The following DNM1L variants were observed in gnomAD, a reference collection of about 807,000 sequenced individuals.
The protein encoded by DNM1L is dynamin-1-like protein.
Under a neutral mutation model 92.8 loss-of-function variants are expected in DNM1L, and 33 were observed. That is an observed-to-expected ratio of 0.36 (90% CI 0.27 to 0.48). The LOEUF (loss-of-function observed/expected upper bound fraction) is 0.48. Among genes scored for constraint, DNM1L ranks in the 20% least tolerant of loss-of-function variants. The probability of loss-of-function intolerance (pLI) is 0.99; values close to 1 mark genes in which losing one functional copy is unlikely to be tolerated. For synonymous variants in DNM1L, 284 were observed against 305.0 expected (o/e 0.93, Z 0.72); for missense variants, 485 against 888.8 (o/e 0.55, Z 5.78).
chr12:32,683,231 T>C (rs1164643724), intron 1 of DNM1L, among the ~76,000 whole-genome samples: 1 of 152,204 alleles, frequency 6.6e-6, no homozygotes, highest in Non-Finnish European at 1.5e-5. Context: ...TTTGGATTTT[T>C]TATTTTTATT....
In DNM1L at chr12:32,685,359, CT is replaced by C. The variant is rs71298052; in HGVS notation, c.102+5913del. Among the ~76,000 whole-genome samples the C allele has an allele frequency of 4.9e-3, 612 of 124,432 alleles. 5 individuals are homozygous for C. The highest frequency in any genetic ancestry group is 5.9e-3 in the Non-Finnish European group (366 of 61,748). 81.6% of individuals were successfully genotyped at this position (124,432 alleles called of 152,430 possible). A position where few individuals can be genotyped will look rare whatever the true frequency, so the allele number is the denominator to read the frequency against. ...AAAGTGTTTTCCATAGTGGCTGCAC[CT>C]TTTTTTTTTTTTTTTTTTGAGACAG... On this transcript the variant is annotated intron_variant, in intron 1 of 19. Transcript: ENST00000549701.
At chr12:32,709,901 A>G (rs1953059985) in intron 4 of DNM1L, among the ~76,000 whole-genome samples, 1 of 152,236 alleles carries the variant, frequency 6.6e-6, no homozygotes, top group African/African-American at 2.4e-5. Context: ...AATAGCAAAT[A>G]TAATTGTATA....
chr12:32,686,850 T>G (rs890151785), intron 1 of DNM1L, among the ~76,000 whole-genome samples: 1 of 152,210 alleles, frequency 6.6e-6, no homozygotes, highest in Non-Finnish European at 1.5e-5. Context: ...TTGTTTTGCA[T>G]TTCCCTAATG....
intron 1 of DNM1L, among the ~76,000 whole-genome samples, chr12:32,683,118 C>G (rs952391239): frequency 6.6e-6 from 1 of 152,222 alleles, no homozygotes; most frequent in Non-Finnish European, 1.5e-5. Flanking sequence ...ACCTGAGACT[C>G]TGGCTTAGTG....
intron 2 of DNM1L, among the ~76,000 whole-genome samples, chr12:32,702,635 G>T (rs534112344): frequency 1.3e-5 from 2 of 151,498 alleles, no homozygotes; most frequent in African/African-American, 4.8e-5. Context: ...TTTAATTTCT[G>T]TGTCTGATTT....
In DNM1L at chr12:32,707,413, G is replaced by A; in HGVS notation, c.297G>A (p.Lys99=). ...EWGKFLHTKN[K]LYTDFDEIRQ... ...GTAAATTTCTTCACACCAAAAATAAGGTAATCACACATGCATATAATGAAG... is the reference window on the plus strand; with the variant it reads ...GTAAATTTCTTCACACCAAAAATAAAGTAATCACACATGCATATAATGAAG... Residue 99 remains lysine, a splice_region_variant and synonymous_variant, in exon 3 of 20, where the codon AAG becomes AAA. Transcript: ENST00000549701. 1.3e-6 allele frequency: 2 copies of A among 1,600,006 alleles called. No individual in the cohort carries two copies. The highest frequency in any genetic ancestry group is 1.7e-6 in the Non-Finnish European group (2 of 1,173,256).
chr12:32,722,631 G>A lies in DNM1L; in HGVS notation c.1077G>A (p.Glu359=), dbSNP rs529454614. ...CTGCAAAATATATTGAAACTTCGGA[G>A]CTGTAAGTAAGAAATTTTTCTGTAG... ...EGTAKYIETS[E]LCGGARICYI... is the part of the protein sequence containing the mutation. Residue 359 remains glutamate, a splice_region_variant and synonymous_variant, in exon 9 of 20, where the codon GAG becomes GAA. Transcript: ENST00000549701. 5.6e-6 allele frequency: 9 copies of A among 1,611,092 alleles called. 1 individual carries two copies. The South Asian group carries it at 7.7e-5, about 14-fold the overall frequency.
chr12:32,740,722 G>C (rs1404266865), intron 18 of DNM1L, among the ~76,000 whole-genome samples: 1 of 152,122 alleles, frequency 6.6e-6, no homozygotes, highest in Non-Finnish European at 1.5e-5. Flanking sequence ...GCTAGAAAAA[G>C]CTATTAAAAA....
At position 32,744,939 on chromosome 12, in the gene DNM1L, C is replaced by G; in HGVS notation, c.*1529C>G. 1 of 518,304 alleles carries G rather than the reference C, an allele frequency of 1.9e-6. No homozygotes were observed. The highest frequency in any genetic ancestry group is 1.4e-5 in the South Asian group (1 of 71,378). The allele number at this position is 518,304 out of a possible 1,614,324, so 32.1% of individuals were successfully genotyped here. ...TCTAATAGACAACACATTTATATTG[C>G]AGATATTACTTTTTTTTCAGTTTAT... On this transcript the variant is annotated 3_prime_UTR_variant, in exon 20 of 20. Coordinates refer to ENST00000549701, the MANE Select transcript of DNM1L (RefSeq NM_012062.5).
intron 2 of DNM1L, among the ~76,000 whole-genome samples, chr12:32,704,836 A>G (rs962836247): frequency 6.6e-6 from 1 of 152,158 alleles, no homozygotes; most frequent in Non-Finnish European, 1.5e-5. Context: ...TATGTTTCAA[A>G]TAAAATACCC....
chr12:32,683,631 G>A (rs1482521297), intron 1 of DNM1L, among the ~76,000 whole-genome samples: 6 of 152,042 alleles, frequency 3.9e-5, no homozygotes, highest in African/African-American at 1.2e-4. Context: ...TGCAACCTCC[G>A]CTTCCCGAGT....
intron 4 of DNM1L, among the ~76,000 whole-genome samples, chr12:32,708,570 TACTCTA>T (rs1449328076): frequency 6.6e-6 from 1 of 152,202 alleles, no homozygotes; most frequent in Non-Finnish European, 1.5e-5. Context: ...GGATTGATTG[TACTCTA>T]ACTCAGGAAG....
chr12:32,728,372 G>A (rs948784939), intron 9 of DNM1L: 29 of 152,200 alleles, frequency 1.9e-4, no homozygotes, highest in African/African-American at 6.8e-4. Context: ...ATGGGCCTTT[G>A]AAGAGTTTAG....
intron 9 of DNM1L, among the ~76,000 whole-genome samples, chr12:32,724,618 A>C: frequency 7.3e-6 from 1 of 137,348 alleles, no homozygotes; most frequent in Admixed American, 7.4e-5. Flanking sequence ...ATATATATAT[A>C]TAAATTATAT....
intron 9 of DNM1L, among the ~76,000 whole-genome samples, chr12:32,730,023 T>C (rs1954444116): frequency 6.6e-6 from 1 of 152,170 alleles, no homozygotes; most frequent in Admixed American, 6.5e-5. Context: ...TTTCTAGTTA[T>C]TAAACAAGAT....
chr12:32,740,661 T>A (rs938385407), intron 18 of DNM1L, 143 bp downstream of exon 18: 77 of 718,390 alleles, frequency 1.1e-4, no homozygotes, highest in Non-Finnish European at 7.3e-5. Context: ...TTGGGTAACT[T>A]GTAGCAAGAC....
chr12:32,681,029 T>C (rs1267131912), intron 1 of DNM1L, among the ~76,000 whole-genome samples: 1 of 152,202 alleles, frequency 6.6e-6, no homozygotes, highest in African/African-American at 2.4e-5. Flanking sequence ...AAGTTGTTTT[T>C]TTCTTTTTAC....
intron 9 of DNM1L, among the ~76,000 whole-genome samples, chr12:32,730,041 A>C (rs1361841519): frequency 6.6e-6 from 1 of 152,202 alleles, no homozygotes; most frequent in African/African-American, 2.4e-5. Flanking sequence ...GATAGGAAAC[A>C]TAAGGTGCTC....
intron 1 of DNM1L, among the ~76,000 whole-genome samples, chr12:32,696,379 CACAA>C (rs1952452450): frequency 3.6e-5 from 3 of 83,454 alleles, no homozygotes; most frequent in South Asian, 1.0e-3. Context: ...TACACACACA[CACAA>C]ACACACACAC....
Sources: gnomAD v4.1 joint callset for allele counts (sites outside exome capture counted in the v4.1 genomes callset) on GRCh38, gnomAD v4.1.1 for gene constraint, MANE v1.5 for transcripts, NCBI Gene and HGNC (gene_info 2026-07-23, HGNC 2026-07-21) for gene names.